Variants in TMEM45B observed in about 807,000 individuals in gnomAD.
TMEM45B encodes transmembrane protein 45B.
Under a neutral mutation model 27.3 loss-of-function variants are expected in TMEM45B, and 29 were observed. The ratio of observed to expected loss-of-function variants is 1.06; its 90% CI spans 0.79 to 1.45. The LOEUF (loss-of-function observed/expected upper bound fraction) is 1.45. TMEM45B is among the 40% of genes most tolerant of loss of function. TMEM45B has a pLI of 0.00. For missense variants in TMEM45B, 348 were observed against 343.9 expected (o/e 1.01, Z -0.09); for synonymous variants, 143 against 134.7 (o/e 1.06, Z -0.43).
chr11:129,854,493 C>T (rs1947891791), intron 2 of TMEM45B, 117 bp from the exon 3 acceptor site: 23 of 990,476 alleles, frequency 2.3e-5, no homozygotes, highest in South Asian at 1.1e-4. Flanking sequence ...TGCTGACCCG[C>T]GGGCCACCCT....
intron 2 of TMEM45B, 184 bp downstream of exon 2, chr11:129,852,844 G>A: frequency 9.9e-6 from 5 of 506,528 alleles, no homozygotes; most frequent in Non-Finnish European, 1.6e-5. Context: ...AATACTAACG[G>A]TTGACAGCTC....
At position 129,858,773 on chromosome 11, in the gene TMEM45B, A is replaced by G. The variant is rs1429077162; in HGVS notation, c.*88A>G. The G allele has an allele frequency of 1.0e-6, 1 of 955,414 alleles. No homozygotes were observed. Among genetic ancestry groups the G allele is most frequent in the African/African-American group, 1.6e-5 (1 of 60,830 alleles). 59.2% of individuals were successfully genotyped at this position (955,414 alleles called of 1,614,324 possible). A position where few individuals can be genotyped will look rare whatever the true frequency, so the allele number is the denominator to read the frequency against. Reference sequence around the variant, plus strand: ...CCACCTGAATGCCTGCTGTGGTCTGATCTTAAGGGTCTATATATTTGCACC... The same window carrying G: ...CCACCTGAATGCCTGCTGTGGTCTGGTCTTAAGGGTCTATATATTTGCACC... On this transcript the variant is annotated 3_prime_UTR_variant, in exon 6 of 6. Transcript: ENST00000281441.
At chr11:129,836,281 G>T (rs1278165335) in intron 1 of TMEM45B, among the ~76,000 whole-genome samples, 2 of 38,752 alleles carry the variant, frequency 5.2e-5, no homozygotes, top group Non-Finnish European at 1.2e-4. Flanking sequence ...GGTCGTAAAG[G>T]TTCACAGCTG....
chr11:129,844,513 T>C (rs866769807), intron 1 of TMEM45B, among the ~76,000 whole-genome samples: 2 of 151,996 alleles, frequency 1.3e-5, no homozygotes, highest in African/African-American at 2.4e-5. Context: ...TAGCGAGACG[T>C]TGTCTCTACA....
At chr11:129,851,560 T>TAAAAAAAAAAAAAAAAAAAAAAA (rs1555073025) in intron 1 of TMEM45B, among the ~76,000 whole-genome samples, 1 of 88,894 alleles carries the variant, frequency 1.1e-5, no homozygotes, top group Non-Finnish European at 2.2e-5. Flanking sequence ...AAAAAAAAAG[T>TAAAAAAAAAAAAAAAAAAAAAAA]CCCCTTCTCT....
chr11:129,858,092 T>C (rs1456250970), intron 5 of TMEM45B, among the ~76,000 whole-genome samples: 1 of 152,234 alleles, frequency 6.6e-6, no homozygotes, highest in Non-Finnish European at 1.5e-5. Flanking sequence ...GTCACCCCAC[T>C]AATAAATGGC....
chr11:129,857,545 T>G, intron 5 of TMEM45B, 87 bp downstream of exon 5: 1 of 1,486,534 alleles, frequency 6.7e-7, no homozygotes, highest in Non-Finnish European at 9.2e-7. Context: ...GAGTGCCGAC[T>G]ACAGGCCAAA....
chr11:129,827,827 G>A (rs553343305), intron 1 of TMEM45B, among the ~76,000 whole-genome samples: 25 of 151,868 alleles, frequency 1.6e-4, no homozygotes, highest in African/African-American at 5.1e-4. Flanking sequence ...ATAATTAGCC[G>A]AGCGTGGTGG....
Position 129,823,997 on chromosome 11 carries a change from C to G in TMEM45B, c.-9+8099C>G, listed in dbSNP as rs147043284. Among the ~76,000 whole-genome samples the G allele has an allele frequency of 1.0e-3, 154 of 152,298 alleles. 2 individuals are homozygous for G. The East Asian group carries it at 0.026, about 26-fold the overall frequency. On this transcript the variant is annotated intron_variant, in intron 1 of 5. Coordinates refer to ENST00000281441, the MANE Select transcript of TMEM45B (RefSeq NM_138788.5). ...CTCCTCCCCTACATTGATCTACAAT[C>G]TGGCATATTTTATACATTATACAAA...
chr11:129,846,607 T>C (rs893820369), intron 1 of TMEM45B, among the ~76,000 whole-genome samples: 6 of 152,056 alleles, frequency 3.9e-5, no homozygotes, highest in South Asian at 2.1e-4. Context: ...AATAAGCAAA[T>C]AGATCAAATC....
chr11:129,856,016 G>C (rs1229136306), intron 4 of TMEM45B, 124 bp downstream of exon 4: 1 of 1,127,114 alleles, frequency 8.9e-7, no homozygotes. Context: ...CCATGCAAAG[G>C]GGTTTAGATG....
chr11:129,856,439 G>A (rs1947926363), intron 4 of TMEM45B, among the ~76,000 whole-genome samples: 2 of 151,420 alleles, frequency 1.3e-5, no homozygotes, highest in East Asian at 1.9e-4. Flanking sequence ...TCGAACTCCT[G>A]AACTCGAGTG....
At chr11:129,841,434 C>G (rs1299836647) in intron 1 of TMEM45B, among the ~76,000 whole-genome samples, 2 of 152,078 alleles carry the variant, frequency 1.3e-5, no homozygotes, top group Admixed American at 1.3e-4. Flanking sequence ...CTTCACGCAT[C>G]CCTGGCTGAC....
intron 1 of TMEM45B, among the ~76,000 whole-genome samples, chr11:129,848,536 T>A (rs1296220825): frequency 6.6e-6 from 1 of 152,026 alleles, no homozygotes; most frequent in Non-Finnish European, 1.5e-5. Context: ...AGAGGGCTTA[T>A]GAAGTTCTTG....
At position 129,856,115 on chromosome 11, in the gene TMEM45B, G is replaced by A. The variant is rs143157600; in HGVS notation, c.570+223G>A. Among the ~76,000 whole-genome samples the A allele has an allele frequency of 4.3e-3, 652 of 152,262 alleles. 5 individuals are homozygous for A. The highest frequency in any genetic ancestry group is 0.015 in the African/African-American group (620 of 41,554). ...ATTAGCAATCCAAAATTTAAAGCAT[G>A]CACGGTGACGTTCAGCTGCCCTCCC... On this transcript the variant is annotated intron_variant, in intron 4 of 5. Transcript: ENST00000281441.
chr11:129,824,159 C>T (rs1947452557), intron 1 of TMEM45B, among the ~76,000 whole-genome samples: 2 of 152,138 alleles, frequency 1.3e-5, no homozygotes, highest in South Asian at 4.1e-4. Context: ...CTCACTGGGG[C>T]TGTTTATTTC....
At chr11:129,845,694 T>A (rs982356320) in intron 1 of TMEM45B, among the ~76,000 whole-genome samples, 2 of 152,160 alleles carry the variant, frequency 1.3e-5, no homozygotes, top group Non-Finnish European at 2.9e-5. Context: ...TACATTAATA[T>A]GAATGGACTA....
intron 3 of TMEM45B, among the ~76,000 whole-genome samples, chr11:129,855,458 A>G (rs759448701): frequency 7.2e-5 from 11 of 152,198 alleles, no homozygotes; most frequent in African/African-American, 2.7e-4. Flanking sequence ...AATCAGCAAC[A>G]TGCTTCAGCC....
chr11:129,849,522 C>A (rs552340304), intron 1 of TMEM45B, among the ~76,000 whole-genome samples: 1 of 152,350 alleles, frequency 6.6e-6, no homozygotes, highest in African/African-American at 2.4e-5. Flanking sequence ...AGTGGCTCCA[C>A]CCCGGTGACA....
Sources: gnomAD v4.1 joint callset for allele counts (sites outside exome capture counted in the v4.1 genomes callset) on GRCh38, gnomAD v4.1.1 for gene constraint, MANE v1.5 for transcripts, NCBI Gene and HGNC (gene_info 2026-07-23, HGNC 2026-07-21) for gene names.